MGAT5: variants seen among roughly 807,000 people sequenced by gnomAD.
MGAT5 encodes alpha-1,6-mannosylglycoprotein 6-beta-N-acetylglucosaminyltransferase, also known as alpha-1,6-mannosylglycoprotein 6-beta-N-acetylglucosaminyltransferase A.
MGAT5 carries 30 observed loss-of-function variants against 94.3 expected under a neutral mutation model. The observed-to-expected ratio is 0.32, with a 90% CI of 0.24 to 0.43. MGAT5 has a LOEUF of 0.43. Among genes scored for constraint, MGAT5 ranks in the 20% least tolerant of loss-of-function variants. The pLI, the probability that MGAT5 is intolerant of heterozygous loss-of-function variation, is 1.00. For missense variants in MGAT5, 691 were observed against 905.5 expected (o/e 0.76, Z 3.04); for synonymous variants, 310 against 322.9 (o/e 0.96, Z 0.43).
chr2:134,127,856 A>G (rs1187038588), intron 1 of MGAT5, among the ~76,000 whole-genome samples: 2 of 152,094 alleles, frequency 1.3e-5, no homozygotes, highest in African/African-American at 4.8e-5. Context: ...TCTTTAGTCT[A>G]TCCTTAAAAA....
At position 134,201,816 on chromosome 2, in the gene MGAT5, C is replaced by CTT. The variant is rs554227745; in HGVS notation, c.-142-52420_-142-52419dup. 1.0e-2 allele frequency among the ~76,000 whole-genome samples: 678 copies of CTT among 67,814 alleles called. 115 individuals carry two copies. The highest frequency in any genetic ancestry group is 0.036 in the African/African-American group (491 of 13,726). The allele number at this position is 67,814 out of a possible 152,430, so 44.5% of individuals were successfully genotyped here. On this transcript the variant is annotated intron_variant, in intron 1 of 16. Transcript: ENST00000409645. ...GGCCAGCTCTCTGGGCCAAGCGCTG[C>CTT]TTTTTTTTTTTTTTTTTTTTTTTTT...
At chr2:134,288,594 G>A (rs1361977576) in intron 2 of MGAT5, among the ~76,000 whole-genome samples, 1 of 151,784 alleles carries the variant, frequency 6.6e-6, no homozygotes, top group Non-Finnish European at 1.5e-5. Context: ...ATTTGCAAAG[G>A]CTTATGGAAA....
At position 134,428,483 on chromosome 2, in the gene MGAT5, T is replaced by C. The variant is rs757608409; in HGVS notation, c.1869+44T>C. On this transcript the variant is annotated intron_variant, in intron 14 of 15. Transcript: ENST00000281923. ...CAGTCTGTCTTTGCTGTGTACTGCT[T>C]CCTGTGACGCCATAGGGCTCTCAAG... 4.5e-6 allele frequency: 7 copies of C among 1,550,992 alleles called. No individual in the cohort carries two copies. The African/African-American group carries it at 9.5e-5, about 21-fold the overall frequency.
chr2:134,354,814 T>C (rs1573899589), intron 9 of MGAT5, among the ~76,000 whole-genome samples: 1 of 152,316 alleles, frequency 6.6e-6, no homozygotes. Context: ...CTGGTAAGTC[T>C]GGTTGTTCCT....
At chr2:134,280,353 G>A (rs191822399) in intron 2 of MGAT5, among the ~76,000 whole-genome samples, 28 of 152,216 alleles carry the variant, frequency 1.8e-4, no homozygotes, top group Non-Finnish European at 3.8e-4. Flanking sequence ...CAAGTCTCAC[G>A]TGTGGGATCA....
intron 1 of MGAT5, among the ~76,000 whole-genome samples, chr2:134,150,355 G>A (rs186206558): frequency 1.7e-3 from 261 of 152,296 alleles, no homozygotes; most frequent in African/African-American, 5.5e-3. Context: ...CAGCAGAGAA[G>A]TTCTCCATGT....
At chr2:134,345,909 C>T (rs1054734653) in intron 8 of MGAT5, among the ~76,000 whole-genome samples, 3 of 151,874 alleles carry the variant, frequency 2.0e-5, no homozygotes, top group African/African-American at 7.3e-5. Flanking sequence ...TTATGGCAGT[C>T]AATACTGGGT....
At chr2:134,296,487 A>G (rs2166736) in intron 2 of MGAT5, among the ~76,000 whole-genome samples, 51,822 of 151,800 alleles carry the variant, frequency 0.34, 9,523 homozygotes, top group Middle Eastern at 0.59. Flanking sequence ...GACTAAACCT[A>G]TGGTTCTTTT....
intron 1 of MGAT5, among the ~76,000 whole-genome samples, chr2:134,189,602 G>GTTTTGTTTTGTTTTTTTTTTTTTTTT (rs1553490380): frequency 7.1e-5 from 6 of 84,670 alleles, no homozygotes; most frequent in Non-Finnish European, 1.4e-4. Context: ...GTTTTTTTTT[G>GTTTTGTTTTGTTTTTTTTTTTTTTTT]TTTTTTTTTT....
chr2:134,275,736 A>C (rs536525097), intron 2 of MGAT5, among the ~76,000 whole-genome samples: 1 of 151,826 alleles, frequency 6.6e-6, no homozygotes, highest in East Asian at 1.9e-4. Flanking sequence ...GCAATGTGCC[A>C]TCATGCCCGG....
chr2:134,352,784 G>A (rs1422611333), intron 9 of MGAT5, among the ~76,000 whole-genome samples: 1 of 152,136 alleles, frequency 6.6e-6, no homozygotes, highest in East Asian at 1.9e-4. Flanking sequence ...ATTCCTAATA[G>A]CCATGAGATA....
chr2:134,144,137 G>T (rs1335584154), intron 1 of MGAT5, among the ~76,000 whole-genome samples: 1 of 152,182 alleles, frequency 6.6e-6, no homozygotes, highest in Non-Finnish European at 1.5e-5. Context: ...TGGCATCAAG[G>T]TCACTGGATT....
chr2:134,338,156 T>G, intron 5 of MGAT5, 103 bp from the exon 6 acceptor site: 2 of 967,178 alleles, frequency 2.1e-6, no homozygotes, highest in Non-Finnish European at 3.0e-6. Flanking sequence ...AGCTCTCAAT[T>G]TAATTGACTA....
chr2:134,396,572 A>T (rs74472644), intron 10 of MGAT5, among the ~76,000 whole-genome samples: 2 of 152,212 alleles, frequency 1.3e-5, no homozygotes, highest in Non-Finnish European at 1.5e-5. Context: ...TTTGATTAGA[A>T]TACACACTTA....
intron 1 of MGAT5, among the ~76,000 whole-genome samples, chr2:134,171,612 C>T (rs1406956889): frequency 2.6e-5 from 4 of 152,154 alleles, no homozygotes; most frequent in African/African-American, 9.7e-5. Context: ...GGGAGACGAT[C>T]TTAAAGGCAG....
At chr2:134,204,342 C>G (rs1389304484) in intron 1 of MGAT5, among the ~76,000 whole-genome samples, 1 of 152,172 alleles carries the variant, frequency 6.6e-6, no homozygotes, top group African/African-American at 2.4e-5. Flanking sequence ...GCCTAAGTCC[C>G]TGTTCTGTAC....
chr2:134,168,068 G>T (rs192574278), intron 1 of MGAT5, among the ~76,000 whole-genome samples: 1 of 152,188 alleles, frequency 6.6e-6, no homozygotes, highest in Admixed American at 6.5e-5. Context: ...TCCAGGCTTC[G>T]CAGTGGTTCT....
intron 10 of MGAT5, among the ~76,000 whole-genome samples, chr2:134,382,307 A>T (rs1233545178): frequency 6.6e-6 from 1 of 152,134 alleles, no homozygotes; most frequent in Non-Finnish European, 1.5e-5. Context: ...AGTAGATCAG[A>T]TCTCTGACAT....
At chr2:134,158,836 C>G (rs534177437) in intron 1 of MGAT5, among the ~76,000 whole-genome samples, 30 of 152,334 alleles carry the variant, frequency 2.0e-4, no homozygotes, top group Middle Eastern at 6.8e-3. Context: ...CCCTTCTCTT[C>G]CCCTTTATCT....
Sources: allele counts gnomAD v4.1 joint callset (sites outside exome capture counted in the v4.1 genomes callset), GRCh38; gene constraint gnomAD v4.1.1; transcripts MANE v1.5; gene names NCBI Gene and HGNC (gene_info 2026-07-23, HGNC 2026-07-21).